The following GNL3 variants were observed in gnomAD, a reference collection of about 807,000 sequenced individuals.
GNL3 encodes the protein G protein nucleolar 3, also known as guanine nucleotide-binding protein-like 3.
GNL3 carries 77 observed loss-of-function variants against 70.6 expected under a neutral mutation model. The observed-to-expected ratio is 1.09, with a 90% CI of 0.91 to 1.32. The LOEUF is 1.32. Among genes scored for constraint, GNL3 ranks in the 40% most tolerant of loss-of-function variants. The pLI, the probability that GNL3 is intolerant of heterozygous loss-of-function variation, is 0.00. For synonymous variants in GNL3, 252 were observed against 216.1 expected (o/e 1.17, Z -1.46); for missense variants, 634 against 644.0 (o/e 0.98, Z 0.17).
Position 52,687,254 on chromosome 3 carries a change from A to T in GNL3, c.81A>T (p.Glu27Asp). 2 of 1,612,158 alleles carry T rather than the reference A, an allele frequency of 1.2e-6. No homozygotes were observed. Among genetic ancestry groups the T allele is most frequent in the South Asian group, 2.2e-5 (2 of 91,050 alleles). The change falls in exon 3 of 15, where the codon GAA becomes GAT. Residue 27 changes from glutamate (E) to aspartate (D), a missense_variant. Coordinates refer to ENST00000418458, the MANE Select transcript of GNL3 (RefSeq NM_014366.5). ...TCTCTTTATTTTAATAGGTTCGAGA[A>T]CATCATCGAAAATTAAGAAAGGAGG... ...KRYKIQKKVR[E>D]HHRKLRKEAK...
At chr3:52,685,999 C>T (rs2097307581), upstream of GNL3, 1 of 776,886 alleles carries the variant, frequency 1.3e-6, no homozygotes, top group African/African-American at 1.7e-5. Flanking sequence ...TTTACGGCGG[C>T]AGCGTAAGTG....
upstream of GNL3, chr3:52,685,956 C>T (rs1367806011): frequency 5.4e-6 from 4 of 735,896 alleles, no homozygotes; most frequent in Non-Finnish European, 1.0e-5. Context: ...CGCGACACTG[C>T]GTGCCCGCGC....
At chr3:52,686,632 G>GT (rs771658274) in intron 1 of GNL3, 137 bp from the exon 2 acceptor site, 8 of 658,442 alleles carry the variant, frequency 1.2e-5, no homozygotes, top group Non-Finnish European at 2.2e-5. Flanking sequence ...TAGCACGTAT[G>GT]TTTGCATTAG....
In GNL3 at chr3:52,687,128, A is replaced by G; in HGVS notation, c.73-118A>G. On this transcript the variant is annotated intron_variant, in intron 2 of 14. Coordinates refer to ENST00000418458, the MANE Select transcript of GNL3 (RefSeq NM_014366.5). Reference sequence around the variant, plus strand: ...TTTGTAAGATTCCAATTAAAGCTCCATTTTCCTAGGACATTTTATAGGCAT... The same window carrying G: ...TTTGTAAGATTCCAATTAAAGCTCCGTTTTCCTAGGACATTTTATAGGCAT... 9 of 840,622 alleles carry G rather than the reference A, an allele frequency of 1.1e-5. No individual in the cohort carries two copies. The East Asian group carries it at 1.5e-4, about 14-fold the overall frequency. 52.1% of individuals were successfully genotyped at this position (840,622 alleles called of 1,614,324 possible).
intron 9 of GNL3, 32 bp downstream of exon 9, chr3:52,691,661 T>A: frequency 8.7e-7 from 1 of 1,148,364 alleles, no homozygotes; most frequent in Non-Finnish European, 1.3e-6. Flanking sequence ...TGTAATATTA[T>A]AGTGACACAC....
chr3:52,692,478 G>C (rs2097328208), intron 9 of GNL3, among the ~76,000 whole-genome samples: 1 of 151,158 alleles, frequency 6.6e-6, no homozygotes, highest in African/African-American at 2.4e-5. Flanking sequence ...AAGGCACCCG[G>C]CTAATTTTTG....
intron 6 of GNL3, 160 bp downstream of exon 6, chr3:52,689,366 G>A: frequency 2.6e-6 from 2 of 768,636 alleles, no homozygotes; most frequent in African/African-American, 1.7e-5. Context: ...GGAGCCAGGT[G>A]ACTTTTACAA....
chr3:52,687,203 A>T, intron 2 of GNL3, 43 bp from the exon 3 acceptor site: 1 of 1,538,240 alleles, frequency 6.5e-7, no homozygotes, highest in Non-Finnish European at 8.9e-7. Flanking sequence ...GCTTAAGTAT[A>T]AAGATATTTT....
chr3:52,688,313 CGTCATAGGG>C lies in GNL3; in HGVS notation c.408+124_408+132del, dbSNP rs1578573422. 8 of 638,288 alleles carry C rather than the reference CGTCATAGGG, an allele frequency of 1.3e-5. No homozygotes were observed. In the East Asian group the frequency reaches 2.2e-4, roughly 17 times the overall value. The allele number at this position is 638,288 out of a possible 1,614,324, so 39.5% of individuals were successfully genotyped here. On this transcript the variant is annotated intron_variant, in intron 5 of 14. Transcript: ENST00000418458. Reference sequence around the variant, plus strand: ...CAGGTTTGTTATATGGGTAAACTTGCGTCATAGGGGTTTGCTGTACAGATTATTTCATCA... The same window carrying C: ...CAGGTTTGTTATATGGGTAAACTTGCGTTTGCTGTACAGATTATTTCATCA...
Position 52,686,051 on chromosome 3 carries a change from C to G in GNL3, c.-42C>G. 2 of 930,782 alleles carry G rather than the reference C, an allele frequency of 2.1e-6. No individual in the cohort carries two copies. The highest frequency in any genetic ancestry group is 1.3e-5 in the South Asian group (1 of 77,524). The allele number at this position is 930,782 out of a possible 1,614,324, so 57.7% of individuals were successfully genotyped here. The stretch of plus-strand genomic sequence containing the variant: ...GGCTTCAGTTCACACGTGGCGCCAG[C>G]GGAGGCAGGTTGATGTGTTTGTGCT... On this transcript the variant is annotated 5_prime_UTR_variant, in exon 1 of 15. Transcript: ENST00000418458.
chr3:52,686,323 A>C, intron 1 of GNL3: 1 of 607,172 alleles, frequency 1.6e-6, no homozygotes, highest in South Asian at 2.0e-5. Context: ...GAAGCCGGGC[A>C]GAGGGTGGGG....
At chr3:52,693,913 G>A (rs1004833225) in intron 13 of GNL3, 106 bp downstream of exon 13, 2 of 1,316,684 alleles carry the variant, frequency 1.5e-6, no homozygotes, top group South Asian at 1.3e-5. Context: ...TGATCCATTA[G>A]CCTTAATTTT....
At chr3:52,688,021 A>G in intron 4 of GNL3, 88 bp from the exon 5 acceptor site, 1 of 778,616 alleles carries the variant, frequency 1.3e-6, no homozygotes, top group Non-Finnish European at 2.3e-6. Context: ...AACAACTGCA[A>G]GGGCTGCTAC....
At chr3:52,687,222 G>T (rs140310455) in intron 2 of GNL3, 24 bp from the exon 3 acceptor site, 17,166 of 1,586,674 alleles carry the variant, frequency 0.011, 115 homozygotes, top group Non-Finnish European at 0.012. Context: ...TTTGTAAGCA[G>T]ACAAAATCTC....
chr3:52,686,687 C>G, intron 1 of GNL3, 82 bp from the exon 2 acceptor site: 1 of 1,048,306 alleles, frequency 9.5e-7, no homozygotes, highest in Non-Finnish European at 1.5e-6. Flanking sequence ...GCCAATAACA[C>G]AAGAAAAGGA....
Position 52,693,491 on chromosome 3 carries a change from A to G in GNL3, c.1271A>G (p.Lys424Arg), listed in dbSNP as rs1336297734. ...AATGAGAGTATTGTGGTAGACATGA[A>G]AAGCGGCTTCAATCTGGAAGAACTG... ...YFNESIVVDM[K>R]SGFNLEELEK... The change falls in exon 12 of 15, where the codon AAA becomes AGA. Residue 424 changes from lysine to arginine, a missense_variant. Lys to Arg is a conservative substitution (Grantham distance 26, BLOSUM62 2). Coordinates refer to ENST00000418458, the MANE Select transcript of GNL3 (RefSeq NM_014366.5). 3.1e-6 allele frequency: 5 copies of G among 1,614,176 alleles called. No homozygotes were observed. In the Admixed American group the frequency reaches 8.3e-5, roughly 27 times the overall value.
rs763923666 is a variant in GNL3, at chr3:52,691,073, T to C, written c.781+2T>C. ...AAGCCATTCGGGTTGGAGTAATTGG[T>C]GAGTTTCAGTTCATTACTTTTTACT... On this transcript the variant is annotated splice_donor_variant, in intron 8 of 14. Coordinates refer to ENST00000418458, the MANE Select transcript of GNL3 (RefSeq NM_014366.5). LOFTEE classifies it high-confidence loss of function. The C allele has an allele frequency of 1.2e-6, 2 of 1,613,154 alleles. No individual in the cohort carries two copies. The highest frequency in any genetic ancestry group is 1.7e-6 in the Non-Finnish European group (2 of 1,179,136).
chr3:52,689,268 G>C (rs367829489), intron 6 of GNL3, 62 bp downstream of exon 6: 17 of 1,416,528 alleles, frequency 1.2e-5, no homozygotes, highest in Non-Finnish European at 1.6e-5. Context: ...GAAACAGTCT[G>C]ATAGTCACTG....
Position 52,693,560 on chromosome 3 carries a change from C to G in GNL3, c.1324+16C>G, listed in dbSNP as rs764118196. ...AGCATAAGAGGTGAGAATTGTGTGT[C>G]GCTGCTGTCTTCATCAGCTGACAGG... On this transcript the variant is annotated intron_variant, in intron 12 of 14. Coordinates refer to ENST00000418458, the MANE Select transcript of GNL3 (RefSeq NM_014366.5). 4.3e-6 allele frequency: 7 copies of G among 1,614,052 alleles called. No individual in the cohort carries two copies. Among genetic ancestry groups the G allele is most frequent in the Admixed American group, 1.7e-5 (1 of 60,014 alleles).
Sources: allele counts gnomAD v4.1 joint callset (sites outside exome capture counted in the v4.1 genomes callset), GRCh38; gene constraint gnomAD v4.1.1; transcripts MANE v1.5; gene names NCBI Gene and HGNC (gene_info 2026-07-23, HGNC 2026-07-21).